Variants in CLSPN observed in about 807,000 individuals in gnomAD.
CLSPN encodes the protein claspin homolog.
CLSPN carries 85 observed loss-of-function variants against 156.3 expected under a neutral mutation model. The ratio of observed to expected loss-of-function variants is 0.54; its 90% CI spans 0.46 to 0.65. CLSPN has a LOEUF of 0.65. CLSPN is among the 30% of genes least tolerant of loss of function. CLSPN has a pLI of 0.00. For synonymous variants in CLSPN, 534 were observed against 542.4 expected (o/e 0.98, Z 0.22); for missense variants, 1,407 against 1,554.9 (o/e 0.90, Z 1.60).
chr1:35,762,562 C>CTT, intron 4 of CLSPN, 81 bp from the exon 5 acceptor site: 6 of 929,440 alleles, frequency 6.5e-6, no homozygotes, highest in Non-Finnish European at 8.9e-6. Context: ...CTTTTGTAGT[C>CTT]CAACACCACA....
At position 35,769,826 on chromosome 1, in the gene CLSPN, G is replaced by A. The variant is rs1372797413; in HGVS notation, c.24+21C>T. On this transcript the variant is annotated intron_variant, in intron 1 of 24. Coordinates refer to ENST00000318121, the MANE Select transcript of CLSPN (RefSeq NM_022111.4). ...TGCCCGGCCTTCTAAGCCCCCGTGG[G>A]GGGCGTGTGCATAAACTCACCTCAG... The A allele has an allele frequency of 6.9e-6, 11 of 1,592,648 alleles. No homozygotes were observed. In the East Asian group the frequency reaches 2.1e-4, roughly 30 times the overall value.
At chr1:35,758,801 CTTT>C (rs34271691) in intron 8 of CLSPN, among the ~76,000 whole-genome samples, 3 of 138,290 alleles carry the variant, frequency 2.2e-5, no homozygotes, top group African/African-American at 2.7e-5. Flanking sequence ...TTTTCTTTTT[CTTT>C]TTTTTTTTTT....
chr1:35,760,491 T>G lies in CLSPN; in HGVS notation c.1430A>C (p.Gln477Pro). The G allele has an allele frequency of 6.2e-7, 1 of 1,614,236 alleles. No homozygotes were observed. The highest frequency in any genetic ancestry group is 8.5e-7 in the Non-Finnish European group (1 of 1,180,042). ...TGGCCCAACTGCTGATGATTTATTT[T>G]GCTGCTCAGGCTCTTCCACTTTCTC... ...TDEKVEEPEQ[Q>P]NKSSAVGPPE... is the part of the protein sequence containing the mutation. Residue 477 changes from glutamine to proline, a missense_variant, in exon 8 of 25, where the codon CAA (glutamine) becomes CCA (proline). Transcript: ENST00000318121.
Position 35,746,278 on chromosome 1 carries a change from A to G in CLSPN, c.2854+488T>C, listed in dbSNP as rs2148617619. ...TCTTAAGTTGATACTTTACCACTCT[A>G]AGAAAGTAAGAGTTCTAAATATCAG... On this transcript the variant is annotated intron_variant, in intron 15 of 24. Coordinates refer to ENST00000318121, the MANE Select transcript of CLSPN (RefSeq NM_022111.4). The surrounding 1 kb of genome is among the most constrained non-coding windows in gnomAD (Gnocchi z 4.2). Among the ~76,000 whole-genome samples, 1 of 152,276 alleles carries G rather than the reference A, an allele frequency of 6.6e-6. No individual in the cohort carries two copies. Among genetic ancestry groups the G allele is most frequent in the East Asian group, 1.9e-4 (1 of 5,186 alleles).
In CLSPN at chr1:35,732,467, T is replaced by A. The variant is rs567674968; in HGVS notation, c.*4029A>T. The A allele has an allele frequency of 3.0e-6, 3 of 985,314 alleles. No individual in the cohort carries two copies. The South Asian group carries it at 1.4e-4, about 46-fold the overall frequency. 61.0% of individuals were successfully genotyped at this position (985,314 alleles called of 1,614,324 possible). On this transcript the variant is annotated 3_prime_UTR_variant, in exon 25 of 25. Transcript: ENST00000318121. The stretch of plus-strand genomic sequence containing the variant: ...GCCACAGAGATCTGAGTACCTTGTC[T>A]CTAGAGCTTTGGTGAATAAAATCTT...
intron 8 of CLSPN, among the ~76,000 whole-genome samples, chr1:35,760,048 A>T (rs1227176124): frequency 6.6e-6 from 1 of 152,030 alleles, no homozygotes; most frequent in Non-Finnish European, 1.5e-5. Context: ...TGGCCAGGCT[A>T]GTCTCAAACT....
intron 16 of CLSPN, among the ~76,000 whole-genome samples, chr1:35,744,883 G>A (rs1473586318): frequency 6.6e-6 from 1 of 151,912 alleles, no homozygotes; most frequent in Non-Finnish European, 1.5e-5. Context: ...GCATGATCTC[G>A]GCTCACTACA....
Position 35,743,465 on chromosome 1 carries a change from T to C in CLSPN, c.3032A>G (p.Asp1011Gly), listed in dbSNP as rs780724700. 26 of 1,613,088 alleles carry C rather than the reference T, an allele frequency of 1.6e-5. No homozygotes were observed. In the East Asian group the frequency reaches 5.3e-4, roughly 33 times the overall value. The change falls in exon 17 of 25, where the codon GAT becomes GGT. Residue 1011 changes from aspartate (D) to glycine (G), a missense_variant. Around this residue, in one of 3 missense-constraint regions of CLSPN, gnomAD observed 1,096 missense variants for 1,193.0 expected, o/e 0.92. Transcript: ENST00000318121. ...FRLVSNDNEF[D>G]SDEDEHSDSG... ...TCCCTTCATACTCACCTCATCACTA[T>C]CAAACTCATTATCATTTGAAACAAG...
chr1:35,735,471 G>A lies in CLSPN; in HGVS notation c.*1025C>T. On this transcript the variant is annotated 3_prime_UTR_variant, in exon 25 of 25. Coordinates refer to ENST00000318121, the MANE Select transcript of CLSPN (RefSeq NM_022111.4). ...GCCTGTAATCTCAGCACTTTGGGAGGCTGAGGCAGCTGGATCACTTGAGGT... is the reference window on the plus strand; with the variant it reads ...GCCTGTAATCTCAGCACTTTGGGAGACTGAGGCAGCTGGATCACTTGAGGT... 1 of 927,240 alleles carries A rather than the reference G, an allele frequency of 1.1e-6. No homozygotes were observed. The highest frequency in any genetic ancestry group is 1.3e-6 in the Non-Finnish European group (1 of 777,040). 57.4% of individuals were successfully genotyped at this position (927,240 alleles called of 1,614,324 possible). A position where few individuals can be genotyped will look rare whatever the true frequency, so the allele number is the denominator to read the frequency against.
chr1:35,751,452 C>T lies in CLSPN; in HGVS notation c.1826G>A (p.Arg609Lys), dbSNP rs145476985. The T allele has an allele frequency of 5.6e-5, 90 of 1,614,094 alleles. No individual in the cohort carries two copies. The East Asian group carries it at 1.6e-3, about 29-fold the overall frequency. The part of the protein sequence containing the change: ...AKLQEAMKLR[R>K]FEERQKRQAL... ...TTGGCGCTTCTGGCGCTCCTCAAAC[C>T]TTCGGAGTTTCATTGCTTCTTGCAG... The change falls in exon 10 of 25, where the codon AGG (arginine) becomes AAG (lysine). Residue 609 changes from arginine to lysine, a missense_variant. Transcript: ENST00000318121.
At chr1:35,731,385 G>A (rs983298691), downstream of CLSPN, among the ~76,000 whole-genome samples, 4 of 152,162 alleles carry the variant, frequency 2.6e-5, no homozygotes, top group Non-Finnish European at 4.4e-5. Flanking sequence ...GAGGCTGCAT[G>A]TCATGAGAAA....
chr1:35,744,753 C>T (rs1641817108), intron 16 of CLSPN, among the ~76,000 whole-genome samples: 1 of 152,196 alleles, frequency 6.6e-6, no homozygotes, highest in Non-Finnish European at 1.5e-5. Context: ...TCAAGTCCTG[C>T]TTTCACTTTT....
Position 35,733,528 on chromosome 1 carries a change from A to G in CLSPN, c.*2968T>C, listed in dbSNP as rs1571188039. On this transcript the variant is annotated 3_prime_UTR_variant, in exon 25 of 25. Coordinates refer to ENST00000318121, the MANE Select transcript of CLSPN (RefSeq NM_022111.4). ...ACATGTAGGGAAACAAGAGGGAAGAAATATCTAGCCTTCCTGCTCAGTTCT... is the reference window on the plus strand; with the variant it reads ...ACATGTAGGGAAACAAGAGGGAAGAGATATCTAGCCTTCCTGCTCAGTTCT... 1.0e-6 allele frequency: 1 copy of G among 985,294 alleles called. No homozygotes were observed. Among genetic ancestry groups the G allele is most frequent in the East Asian group, 1.1e-4 (1 of 8,812 alleles). 61.0% of individuals were successfully genotyped at this position (985,294 alleles called of 1,614,324 possible).
downstream of CLSPN, among the ~76,000 whole-genome samples, chr1:35,730,567 T>TAAAAAAAAAAAA (rs56320150): frequency 1.6e-5 from 1 of 62,028 alleles, no homozygotes; most frequent in Admixed American, 1.9e-4. Flanking sequence ...GAATCCATAT[T>TAAAAAAAAAAAA]AAAAAAAAAA....
At chr1:35,743,911 C>T (rs895194325) in intron 16 of CLSPN, among the ~76,000 whole-genome samples, 1 of 152,164 alleles carries the variant, frequency 6.6e-6, no homozygotes, top group African/African-American at 2.4e-5. Context: ...TATGAGCCAC[C>T]TCGCCCAGCC....
intron 9 of CLSPN, 127 bp from the exon 10 acceptor site, chr1:35,751,633 T>C: frequency 8.1e-7 from 1 of 1,240,850 alleles, no homozygotes; most frequent in Non-Finnish European, 1.1e-6. Context: ...TCTGGGCTTT[T>C]TTGTTATTTG....
Position 35,753,942 on chromosome 1 carries a change from C to A in CLSPN, c.1580-6G>T. On this transcript the variant is annotated splice_region_variant and splice_polypyrimidine_tract_variant and intron_variant, in intron 8 of 24. Transcript: ENST00000318121. Reference sequence around the variant, plus strand: ...CTGCTTCAAGGCTTCCAGTTCTAAACCCAAACGCCAACCAGTGTGTCAGTT... The same window carrying A: ...CTGCTTCAAGGCTTCCAGTTCTAAAACCAAACGCCAACCAGTGTGTCAGTT... 3 of 1,613,280 alleles carry A rather than the reference C, an allele frequency of 1.9e-6. No individual in the cohort carries two copies. The highest frequency in any genetic ancestry group is 2.5e-6 in the Non-Finnish European group (3 of 1,179,492).
exon 25 of CLSPN, chr1:35,720,815 G>C (rs1458381393): frequency 1.9e-6 from 2 of 1,032,336 alleles, no homozygotes; most frequent in African/African-American, 3.1e-5. Flanking sequence ...AGACCACAGA[G>C]CCATAAAGTC....
intron 1 of CLSPN, among the ~76,000 whole-genome samples, chr1:35,767,162 CGGAT>C (rs892143686): frequency 2.0e-5 from 3 of 151,890 alleles, no homozygotes; most frequent in Non-Finnish European, 4.4e-5. Flanking sequence ...ATGCCAACTT[CGGAT>C]GATGATTCAA....
Sources: allele counts gnomAD v4.1 joint callset (sites outside exome capture counted in the v4.1 genomes callset), GRCh38; gene constraint gnomAD v4.1.1; regional missense constraint gnomAD v4.1.1; non-coding constraint Gnocchi (gnomAD v3.1); transcripts MANE v1.5; gene names NCBI Gene and HGNC (gene_info 2026-07-23, HGNC 2026-07-21).